The following ETV5 variants were observed in gnomAD, a reference collection of about 807,000 sequenced individuals.
The protein encoded by ETV5 is ETS translocation variant 5.
Under a neutral mutation model 70.0 loss-of-function variants are expected in ETV5, and 10 were observed. The observed-to-expected ratio is 0.14, with a 90% CI of 0.09 to 0.24. The LOEUF is 0.24. ETV5 is among the 10% of genes least tolerant of loss of function. The pLI, the probability that ETV5 is intolerant of heterozygous loss-of-function variation, is 1.00. For missense variants in ETV5, 453 were observed against 651.2 expected (o/e 0.70, Z 3.31); for synonymous variants, 216 against 242.2 (o/e 0.89, Z 1.01).
At chr3:186,067,417 C>T (rs938927395) in intron 7 of ETV5, among the ~76,000 whole-genome samples, 4 of 151,954 alleles carry the variant, frequency 2.6e-5, no homozygotes, top group South Asian at 2.1e-4. Flanking sequence ...TGTGACAGAG[C>T]GAGACTCCGT....
chr3:186,097,943 G>A (rs991734700), intron 5 of ETV5, among the ~76,000 whole-genome samples: 2 of 152,180 alleles, frequency 1.3e-5, no homozygotes, highest in Admixed American at 1.3e-4. Flanking sequence ...AACCAATTTG[G>A]AATGCTCCAT....
chr3:186,081,741 T>A (rs1713938987), intron 5 of ETV5, among the ~76,000 whole-genome samples: 1 of 152,192 alleles, frequency 6.6e-6, no homozygotes, highest in African/African-American at 2.4e-5. Context: ...ATTCCAAAAA[T>A]TTTAAAAGCA....
intron 7 of ETV5, among the ~76,000 whole-genome samples, chr3:186,072,836 A>G (rs1303361611): frequency 6.6e-6 from 1 of 152,218 alleles, no homozygotes; most frequent in African/African-American, 2.4e-5. Flanking sequence ...AGTTGTAGAT[A>G]TAACATTAAT....
rs977011851 is a variant in ETV5 at position 186,047,804 on chromosome 3, C to T, written c.*835G>A. 7 of 232,986 alleles carry T rather than the reference C, an allele frequency of 3.0e-5. No individual in the cohort carries two copies. Among genetic ancestry groups the T allele is most frequent in the Middle Eastern group, 2.5e-3 (2 of 804 alleles). 14.4% of individuals were successfully genotyped at this position (232,986 alleles called of 1,614,324 possible). Reference sequence around the variant, plus strand: ...AGGTTTGTTTTTGTTTTTTGTTTTTCGTTTTTTTGCTTTAAATACCAAAAC... The same window carrying T: ...AGGTTTGTTTTTGTTTTTTGTTTTTTGTTTTTTTGCTTTAAATACCAAAAC... On this transcript the variant is annotated 3_prime_UTR_variant, in exon 13 of 13. Transcript: ENST00000306376.
intron 7 of ETV5, among the ~76,000 whole-genome samples, chr3:186,066,323 T>C (rs1426677027): frequency 6.9e-6 from 1 of 145,700 alleles, no homozygotes; most frequent in East Asian, 2.0e-4. Context: ...CATGTATGTA[T>C]ATTTTATGCA....
At chr3:186,068,440 CT>C (rs1264659074) in intron 7 of ETV5, among the ~76,000 whole-genome samples, 1 of 152,042 alleles carries the variant, frequency 6.6e-6, no homozygotes, top group Admixed American at 6.6e-5. Context: ...AGGTGATTTT[CT>C]TTTTTTGCTC....
intron 7 of ETV5, among the ~76,000 whole-genome samples, chr3:186,070,888 C>G (rs967916282): frequency 6.6e-6 from 1 of 152,240 alleles, no homozygotes; most frequent in Non-Finnish European, 1.5e-5. Flanking sequence ...TTAACCTCCT[C>G]CCTTCCATCC....
At chr3:186,048,901 G>C in intron 12 of ETV5, 41 bp from the exon 13 acceptor site, 1 of 1,541,956 alleles carries the variant, frequency 6.5e-7, no homozygotes, top group Non-Finnish European at 8.9e-7. Context: ...AGTTGGAACA[G>C]GGCATGGGAT....
chr3:186,049,209 A>T (rs1712961555), intron 12 of ETV5, among the ~76,000 whole-genome samples: 1 of 152,222 alleles, frequency 6.6e-6, no homozygotes, highest in Non-Finnish European at 1.5e-5. Context: ...TGCAAGGCAG[A>T]AGCCTGACCA....
In ETV5 at chr3:186,049,422, A is replaced by G. The variant is rs142379925; in HGVS notation, c.1312-562T>C. 1.9e-3 allele frequency among the ~76,000 whole-genome samples: 295 copies of G among 152,300 alleles called. 1 individual carries two copies. The highest frequency in any genetic ancestry group is 6.6e-3 in the African/African-American group (273 of 41,560). On this transcript the variant is annotated intron_variant, in intron 12 of 12. Transcript: ENST00000306376. ...TGAGGGAACCGCTAACTACCTTTCT[A>G]TGGGTTTTCTGCATTATAATATTAG...
intron 9 of ETV5, among the ~76,000 whole-genome samples, chr3:186,063,330 TA>T (rs1333209761): frequency 2.0e-5 from 3 of 152,212 alleles, no homozygotes; most frequent in Non-Finnish European, 2.9e-5. Flanking sequence ...ACTGACATTC[TA>T]GCTCCATTCT....
chr3:186,068,900 T>C (rs1393101977), intron 7 of ETV5, among the ~76,000 whole-genome samples: 11 of 152,192 alleles, frequency 7.2e-5, no homozygotes, highest in African/African-American at 2.4e-4. Flanking sequence ...AGTTAGAAAG[T>C]AGGAGCCAAG....
chr3:186,080,491 A>G (rs1713907680), intron 6 of ETV5: 1 of 238,034 alleles, frequency 4.2e-6, no homozygotes, highest in Non-Finnish European at 8.2e-6. Flanking sequence ...ATTAGTCAGA[A>G]TATGTGTTGA....
Position 186,057,198 on chromosome 3 carries a change from G to A in ETV5, c.1086C>T (p.Tyr362=). The A allele has an allele frequency of 1.2e-6, 2 of 1,614,166 alleles. No individual in the cohort carries two copies. Among genetic ancestry groups the A allele is most frequent in the Middle Eastern group, 1.6e-4 (1 of 6,062 alleles). ...EPTMYREGPP[Y]QRRGSLQLWQ... Reference sequence around the variant, plus strand: ...ACAGCTGAAGGGAACCTCGCCTCTGGTAAGGGGGCCCCTCTCGATACATGG... The same window carrying A: ...ACAGCTGAAGGGAACCTCGCCTCTGATAAGGGGGCCCCTCTCGATACATGG... The change falls in exon 11 of 13, where the codon TAC becomes TAT. Residue 362 remains tyrosine, a synonymous_variant. Transcript: ENST00000306376. This position sits in a 1 kb window ranked among gnomAD's most constrained non-coding sequence, Gnocchi z 4.9.
chr3:186,060,320 A>G (rs1384609988), intron 9 of ETV5, among the ~76,000 whole-genome samples: 2 of 152,206 alleles, frequency 1.3e-5, no homozygotes, highest in Non-Finnish European at 2.9e-5. Flanking sequence ...ACTGCGGTGT[A>G]TCTTGTGGTT....
intron 7 of ETV5, among the ~76,000 whole-genome samples, chr3:186,070,468 T>C (rs572852954): frequency 1.3e-5 from 2 of 152,314 alleles, no homozygotes; most frequent in African/African-American, 2.4e-5. Flanking sequence ...GGCATAACTT[T>C]AAGGATGCGC....
intron 5 of ETV5, among the ~76,000 whole-genome samples, chr3:186,104,696 T>C (rs1468345921): frequency 6.6e-6 from 1 of 152,094 alleles, no homozygotes; most frequent in Admixed American, 6.6e-5. Context: ...ACCAAATATA[T>C]TTTGTCAGTT....
intron 7 of ETV5, among the ~76,000 whole-genome samples, chr3:186,073,483 T>A (rs1454685796): frequency 6.6e-6 from 1 of 152,198 alleles, no homozygotes; most frequent in Non-Finnish European, 1.5e-5. Context: ...AGAGCGGCGA[T>A]TCAACCCCAG....
intron 5 of ETV5, among the ~76,000 whole-genome samples, chr3:186,091,775 T>C (rs1055414516): frequency 6.6e-6 from 1 of 152,120 alleles, no homozygotes; most frequent in Non-Finnish European, 1.5e-5. Context: ...GAAAGACATA[T>C]CCAAAAAATA....
Sources: allele counts gnomAD v4.1 joint callset (sites outside exome capture counted in the v4.1 genomes callset), GRCh38; gene constraint gnomAD v4.1.1; non-coding constraint Gnocchi (gnomAD v3.1); transcripts MANE v1.5; gene names NCBI Gene and HGNC (gene_info 2026-07-23, HGNC 2026-07-21).